The following DNER variants were observed in gnomAD, a reference collection of about 807,000 sequenced individuals.
The protein encoded by DNER is delta/notch like EGF repeat containing.
A neutral mutation model predicts 78.2 loss-of-function variants in DNER; 33 were observed. The ratio of observed to expected loss-of-function variants is 0.42; its 90% confidence interval spans 0.32 to 0.56. The LOEUF is 0.56. Among genes scored for constraint, DNER ranks in the 20% least tolerant of loss-of-function variants. The pLI, the probability that DNER is intolerant of heterozygous loss-of-function variation, is 0.11. For missense variants in DNER, 918 were observed against 975.3 expected, an observed-to-expected ratio of 0.94 and a Z score of 0.78; for synonymous variants, 417 against 384.8, an observed-to-expected ratio of 1.08 and a Z score of -0.98.
intron 8 of DNER, among the ~76,000 whole-genome samples, chr2:229,437,165 G>C (rs949327729): frequency 1.3e-5 from 2 of 152,196 alleles, no homozygotes; most frequent in South Asian, 2.1e-4. Flanking sequence ...ATTTTAAAGA[G>C]AGCATTGAGG....
chr2:229,694,123 C>A (rs1407112018), intron 1 of DNER, among the ~76,000 whole-genome samples: 2 of 152,222 alleles, frequency 1.3e-5, no homozygotes, highest in Non-Finnish European at 2.9e-5. Flanking sequence ...TTAGAGGGTG[C>A]AAGCCCCAAG....
intron 7 of DNER, among the ~76,000 whole-genome samples, chr2:229,475,007 G>T (rs1695001352): frequency 6.6e-6 from 1 of 152,142 alleles, no homozygotes; most frequent in South Asian, 2.1e-4. Context: ...AAAGTTCCCT[G>T]CTTATCAATG....
chr2:229,369,451 T>TTA (rs1692430919), intron 11 of DNER, among the ~76,000 whole-genome samples: 9 of 145,280 alleles, frequency 6.2e-5, no homozygotes, highest in Middle Eastern at 3.6e-3. Context: ...TTCTAAAAAG[T>TTA]CAAAAAAAAA....
intron 9 of DNER, among the ~76,000 whole-genome samples, chr2:229,409,693 A>G (rs1693465227): frequency 6.6e-6 from 1 of 152,080 alleles, no homozygotes; most frequent in African/African-American, 2.4e-5. Flanking sequence ...TTCTTTTTCA[A>G]ATGGTGAGAC....
chr2:229,672,603 T>C (rs1016432005), intron 1 of DNER, among the ~76,000 whole-genome samples: 48 of 145,388 alleles, frequency 3.3e-4, no homozygotes, highest in African/African-American at 1.2e-3. Context: ...GGAAAAAGGA[T>C]GAGGGAGGGA....
chr2:229,655,491 C>T (rs115736376), intron 1 of DNER, among the ~76,000 whole-genome samples: 1,831 of 152,198 alleles, frequency 0.012, 40 homozygotes, highest in African/African-American at 0.042. Context: ...TCCAGGAGTG[C>T]AGAGGCAAAT....
At position 229,703,012 on chromosome 2, in the gene DNER, G is replaced by T. The variant is rs189049523; in HGVS notation, c.276+11136C>A. Among the ~76,000 whole-genome samples the T allele has an allele frequency of 2.6e-4, 39 of 151,738 alleles. 1 individual carries two copies. The East Asian group carries it at 7.0e-3, about 27-fold the overall frequency. ...TTGTCATCTCAATATGTGCCTGGGAGAACTGCATTTCTCTAGCTCCTCACC... is the reference window on the plus strand; with the variant it reads ...TTGTCATCTCAATATGTGCCTGGGATAACTGCATTTCTCTAGCTCCTCACC... On this transcript the variant is annotated intron_variant, in intron 1 of 12. Coordinates refer to ENST00000341772, the MANE Select transcript of DNER (RefSeq NM_139072.4).
chr2:229,554,251 A>C (rs1696804143), intron 4 of DNER, among the ~76,000 whole-genome samples: 1 of 152,228 alleles, frequency 6.6e-6, no homozygotes, highest in South Asian at 2.1e-4. Context: ...AGATGGATTC[A>C]AAAAAGTAGT....
intron 10 of DNER, among the ~76,000 whole-genome samples, chr2:229,405,139 G>A (rs990567019): frequency 3.9e-5 from 6 of 152,114 alleles, no homozygotes; most frequent in African/African-American, 1.4e-4. Context: ...CATAAAGGAA[G>A]AAACACAACC....
At chr2:229,505,670 AC>A (rs1559151311) in intron 6 of DNER, among the ~76,000 whole-genome samples, 1 of 152,160 alleles carries the variant, frequency 6.6e-6, no homozygotes, top group East Asian at 1.9e-4. Flanking sequence ...AACAAGAAAG[AC>A]CTTTCACATG....
chr2:229,622,400 T>C (rs889907722), intron 1 of DNER, among the ~76,000 whole-genome samples: 1 of 152,188 alleles, frequency 6.6e-6, no homozygotes, highest in African/African-American at 2.4e-5. Flanking sequence ...AATGAATAGC[T>C]GAAGCTTTGT....
intron 4 of DNER, among the ~76,000 whole-genome samples, chr2:229,552,676 C>G (rs539032504): frequency 6.6e-6 from 1 of 152,286 alleles, no homozygotes; most frequent in East Asian, 1.9e-4. Flanking sequence ...GCTCCCAATC[C>G]CTGCGGAACT....
chr2:229,543,402 C>A (rs1433124973), intron 5 of DNER, among the ~76,000 whole-genome samples: 1 of 152,150 alleles, frequency 6.6e-6, no homozygotes, highest in Non-Finnish European at 1.5e-5. Context: ...TGCAGAGAAG[C>A]CCACAACACA....
intron 8 of DNER, among the ~76,000 whole-genome samples, chr2:229,434,859 T>G (rs34188301): frequency 0.41 from 62,301 of 151,522 alleles, 15,067 homozygotes; most frequent in Non-Finnish European, 0.55. Flanking sequence ...TTAAACACTG[T>G]TTTTCAACTT....
intron 4 of DNER, among the ~76,000 whole-genome samples, chr2:229,560,006 G>A (rs1696925947): frequency 6.6e-6 from 1 of 152,184 alleles, no homozygotes; most frequent in South Asian, 2.1e-4. Context: ...CTCCCTTGGT[G>A]CAAATGCAAA....
intron 9 of DNER, among the ~76,000 whole-genome samples, chr2:229,416,143 A>G (rs13011469): frequency 0.28 from 43,210 of 152,002 alleles, 6,436 homozygotes; most frequent in South Asian, 0.37. Context: ...CAGATCTCTC[A>G]AATCTTTTCT....
intron 6 of DNER, among the ~76,000 whole-genome samples, chr2:229,511,046 C>T (rs1695855688): frequency 6.6e-6 from 1 of 152,136 alleles, no homozygotes; most frequent in East Asian, 1.9e-4. Flanking sequence ...TAACCTATCC[C>T]TATGATTTGA....
chr2:229,431,814 G>A (rs1198521918), intron 8 of DNER, among the ~76,000 whole-genome samples: 1 of 151,798 alleles, frequency 6.6e-6, no homozygotes, highest in African/African-American at 2.4e-5. Context: ...AAAAAAAGAT[G>A]TCTTTTACAA....
intron 8 of DNER, among the ~76,000 whole-genome samples, chr2:229,425,209 T>C (rs1160388203): frequency 6.6e-6 from 1 of 152,178 alleles, no homozygotes; most frequent in East Asian, 1.9e-4. Flanking sequence ...TATCTGGGAC[T>C]GGCTCATACC....
Sources: allele counts gnomAD v4.1 joint callset (sites outside exome capture counted in the v4.1 genomes callset), GRCh38; gene constraint gnomAD v4.1.1; transcripts MANE v1.5; gene names NCBI Gene and HGNC (gene_info 2026-07-23, HGNC 2026-07-21).